DLC1: variants seen among roughly 807,000 people sequenced by gnomAD.
DLC1 encodes DLC1 Rho GTPase activating protein, also known as rho GTPase-activating protein 7.
A neutral mutation model predicts 140.3 loss-of-function variants in DLC1; 54 were observed. That is an observed-to-expected ratio of 0.38 (90% CI 0.31 to 0.48). DLC1 has a LOEUF of 0.48. Among genes scored for constraint, DLC1 ranks in the 20% least tolerant of loss-of-function variants. The pLI is 0.96. For missense variants in DLC1, 2,536 were observed against 1,907.0 expected (o/e 1.33, Z -6.14); for synonymous variants, 986 against 728.1 (o/e 1.35, Z -5.70).
intron 1 of DLC1, among the ~76,000 whole-genome samples, chr8:13,549,400 G>T (rs564843996): frequency 7.2e-5 from 11 of 152,188 alleles, no homozygotes; most frequent in African/African-American, 2.2e-4. Context: ...GAGTTGAAAA[G>T]TATTTCAAAA....
upstream of DLC1, among the ~76,000 whole-genome samples, chr8:13,518,166 G>A (rs1166401699): frequency 5.9e-5 from 9 of 151,954 alleles, no homozygotes; most frequent in African/African-American, 1.2e-4. Flanking sequence ...GGAGTGCAGT[G>A]GTGGTGATCT....
At chr8:13,363,418 T>C (rs1835335002) in intron 4 of DLC1, among the ~76,000 whole-genome samples, 1 of 151,392 alleles carries the variant, frequency 6.6e-6, no homozygotes, top group Non-Finnish European at 1.5e-5. Flanking sequence ...GAACCTAGCA[T>C]TATGCCTGTT....
intron 4 of DLC1, among the ~76,000 whole-genome samples, chr8:13,355,927 A>G (rs1422007394): frequency 2.6e-5 from 4 of 151,624 alleles, no homozygotes; most frequent in Non-Finnish European, 5.9e-5. Context: ...TACTAAAAAA[A>G]AAATTCAAAA....
At chr8:13,523,947 A>C (rs985731372) in intron 1 of DLC1, among the ~76,000 whole-genome samples, 3 of 151,646 alleles carry the variant, frequency 2.0e-5, no homozygotes, top group African/African-American at 7.3e-5. Flanking sequence ...GAAATGTTGA[A>C]GTGCATTATT....
intron 2 of DLC1, among the ~76,000 whole-genome samples, chr8:13,403,812 T>TTG (rs1284622484): frequency 6.7e-6 from 1 of 148,220 alleles, no homozygotes; most frequent in Non-Finnish European, 1.5e-5. Context: ...TGGCTGTTTT[T>TTG]TTTTTTTTTT....
chr8:13,256,071 T>C (rs1468870612), intron 5 of DLC1, among the ~76,000 whole-genome samples: 1 of 152,234 alleles, frequency 6.6e-6, no homozygotes, highest in African/African-American at 2.4e-5. Context: ...AGATTATTAC[T>C]GAATTTCCCA....
chr8:13,537,038 G>A (rs1437103884), intron 1 of DLC1, among the ~76,000 whole-genome samples: 1 of 151,666 alleles, frequency 6.6e-6, no homozygotes, highest in Non-Finnish European at 1.5e-5. Context: ...ATAAAAACTG[G>A]GATTGATGAA....
intron 1 of DLC1, among the ~76,000 whole-genome samples, chr8:13,532,019 C>G (rs1023205961): frequency 3.9e-5 from 6 of 152,194 alleles, no homozygotes; most frequent in African/African-American, 1.4e-4. Flanking sequence ...AGGCAGAAGC[C>G]TAAGTCTAGC....
rs535944610 is a variant in DLC1, at chr8:13,265,117, A to G, written c.1348+40152T>C. Among the ~76,000 whole-genome samples, 12 of 152,346 alleles carry G rather than the reference A, an allele frequency of 7.9e-5. No homozygotes were observed. The South Asian group carries it at 2.1e-3, about 26-fold the overall frequency. The stretch of plus-strand genomic sequence containing the variant: ...GTCAAATGCTATTTTCCTAAGCTCC[A>G]TTTAAACACAGAGACATTACTTAAT... On this transcript the variant is annotated intron_variant, in intron 5 of 17. Coordinates refer to ENST00000276297, the MANE Select transcript of DLC1 (RefSeq NM_182643.3).
At chr8:13,219,967 T>C (rs920702503) in intron 5 of DLC1, among the ~76,000 whole-genome samples, 2 of 152,010 alleles carry the variant, frequency 1.3e-5, no homozygotes, top group East Asian at 1.9e-4. Context: ...CTATCGAGAA[T>C]AGATAAATCC....
In DLC1 at chr8:13,099,737, T is replaced by C. The variant is rs773509091; in HGVS notation, c.2600A>G (p.Asn867Ser). ...GCGGCTGCTCATGGAGCTGGAAGAA[T>C]TGCGTCTCTTCAGTTCCTTGGGGCT... ...SDSPKELKRR[N>S]SSSSMSSRLS... The change falls in exon 9 of 18, where the codon AAT becomes AGT. Residue 867 changes from asparagine to serine, a missense_variant. Physicochemically the swap from Asn to Ser is conservative, Grantham distance 46. Coordinates refer to ENST00000276297, the MANE Select transcript of DLC1 (RefSeq NM_182643.3). 3.7e-6 allele frequency: 6 copies of C among 1,614,004 alleles called. No individual in the cohort carries two copies. In the South Asian group the frequency reaches 6.6e-5, roughly 18 times the overall value.
chr8:13,200,915 C>T (rs535882643), intron 5 of DLC1, among the ~76,000 whole-genome samples: 13 of 152,224 alleles, frequency 8.5e-5, no homozygotes, highest in East Asian at 1.9e-4. Context: ...TTTGATTTTA[C>T]GCATATTATA....
At chr8:13,360,982 A>G (rs1042814511) in intron 4 of DLC1, among the ~76,000 whole-genome samples, 1 of 152,030 alleles carries the variant, frequency 6.6e-6, no homozygotes, top group Admixed American at 6.6e-5. Context: ...TGCGATCTCA[A>G]TACTTGGGGA....
intron 4 of DLC1, among the ~76,000 whole-genome samples, chr8:13,311,681 T>C (rs1044300187): frequency 6.6e-6 from 1 of 152,188 alleles, no homozygotes; most frequent in South Asian, 2.1e-4. Flanking sequence ...ATTTATACTA[T>C]ATGGTGCAGA....
chr8:13,451,269 G>T (rs1469194740), intron 2 of DLC1, among the ~76,000 whole-genome samples: 1 of 151,842 alleles, frequency 6.6e-6, no homozygotes, highest in African/African-American at 2.4e-5. Context: ...ATATATTTAT[G>T]AGGTACATGA....
intron 1 of DLC1, among the ~76,000 whole-genome samples, chr8:13,529,978 A>G (rs185555817): frequency 6.6e-6 from 1 of 152,330 alleles, no homozygotes; most frequent in African/African-American, 2.4e-5. Flanking sequence ...TTCTATCCCT[A>G]TCCTGGAAGG....
chr8:13,144,442 C>A (rs746033277), intron 5 of DLC1, among the ~76,000 whole-genome samples: 1 of 152,170 alleles, frequency 6.6e-6, no homozygotes, highest in Non-Finnish European at 1.5e-5. Context: ...TTCTCAGCCT[C>A]CGTAATCACG....
intron 4 of DLC1, among the ~76,000 whole-genome samples, chr8:13,387,979 A>T (rs1300936609): frequency 6.6e-6 from 1 of 152,104 alleles, no homozygotes; most frequent in Non-Finnish European, 1.5e-5. Context: ...CAGTCTTCCC[A>T]GAAATGTGTA....
At chr8:13,166,120 C>T (rs1263255311) in intron 5 of DLC1, among the ~76,000 whole-genome samples, 3 of 152,152 alleles carry the variant, frequency 2.0e-5, no homozygotes, top group African/African-American at 4.8e-5. Context: ...ATGCCATCCC[C>T]GTTCACAGGC....
Sources: gnomAD v4.1 joint callset for allele counts (sites outside exome capture counted in the v4.1 genomes callset) on GRCh38, gnomAD v4.1.1 for gene constraint, MANE v1.5 for transcripts, NCBI Gene and HGNC (gene_info 2026-07-23, HGNC 2026-07-21) for gene names.